The following PRKD1 variants were observed in gnomAD, a reference collection of about 807,000 sequenced individuals.
The protein encoded by PRKD1 is protein kinase D1, also known as serine/threonine-protein kinase D1.
In PRKD1, 63 loss-of-function variants were observed where a neutral mutation model predicts 95.9. That is an observed-to-expected ratio of 0.66 (90% CI 0.54 to 0.81). PRKD1 has a LOEUF of 0.81. Among genes scored for constraint, PRKD1 ranks in the 30% least tolerant of loss-of-function variants. The pLI is 0.00. For missense variants in PRKD1, 1,048 were observed against 1,165.3 expected (o/e 0.90, Z 1.47); for synonymous variants, 425 against 423.1 (o/e 1.00, Z -0.05).
intron 1 of PRKD1, among the ~76,000 whole-genome samples, chr14:29,881,708 C>A (rs958918087): frequency 9.2e-5 from 14 of 152,168 alleles, no homozygotes; most frequent in African/African-American, 3.4e-4. Context: ...TGGACTTTCA[C>A]TTGGCTTATT....
chr14:29,793,625 T>C (rs1464357885), intron 1 of PRKD1, among the ~76,000 whole-genome samples: 1 of 152,090 alleles, frequency 6.6e-6, no homozygotes, highest in African/African-American at 2.4e-5. Context: ...GAGTATTTCT[T>C]ATTCAAATAG....
intron 1 of PRKD1, among the ~76,000 whole-genome samples, chr14:29,829,785 T>C (rs1248071943): frequency 6.6e-6 from 1 of 152,198 alleles, no homozygotes; most frequent in East Asian, 1.9e-4. Context: ...TCCTACTTTT[T>C]TTTCATTTCA....
At chr14:29,771,384 C>T (rs979036282) in intron 1 of PRKD1, among the ~76,000 whole-genome samples, 1 of 152,102 alleles carries the variant, frequency 6.6e-6, no homozygotes, top group African/African-American at 2.4e-5. Flanking sequence ...TGGCAGTTGC[C>T]GCCTAGCACT....
rs1895331895 is a variant in PRKD1 at position 29,927,153 on chromosome 14, C to A, written c.264+96G>T. On this transcript the variant is annotated intron_variant, in intron 1 of 17. Transcript: ENST00000331968. ...CCGGCGAGGCTGGCGGCCAGCCGAG[C>A]CCCGGGAGCCGGAAAGTTGGCGCGG... The A allele has an allele frequency of 7.1e-5, 89 of 1,257,246 alleles. 1 individual carries two copies. The highest frequency in any genetic ancestry group is 8.6e-5 in the Non-Finnish European group (86 of 995,408). 77.9% of individuals were successfully genotyped at this position (1,257,246 alleles called of 1,614,324 possible). A position where few individuals can be genotyped will look rare whatever the true frequency, so the allele number is the denominator to read the frequency against.
chr14:29,696,829 A>G (rs1303263954), intron 2 of PRKD1, among the ~76,000 whole-genome samples: 1 of 152,116 alleles, frequency 6.6e-6, no homozygotes, highest in African/African-American at 2.4e-5. Flanking sequence ...TATAATTTGT[A>G]ATTATGAAAA....
At chr14:29,707,999 A>T (rs566072968) in intron 2 of PRKD1, among the ~76,000 whole-genome samples, 2 of 152,140 alleles carry the variant, frequency 1.3e-5, no homozygotes, top group African/African-American at 4.8e-5. Context: ...CTTGACCATC[A>T]AAGGTAATTT....
intron 1 of PRKD1, among the ~76,000 whole-genome samples, chr14:29,809,712 T>A (rs918118468): frequency 1.3e-5 from 2 of 152,242 alleles, no homozygotes; most frequent in African/African-American, 4.8e-5. Flanking sequence ...CTTAAGGGTA[T>A]GTTGTGGCTG....
chr14:29,638,225 A>G (rs1880509419), intron 6 of PRKD1: 1 of 473,196 alleles, frequency 2.1e-6, no homozygotes, highest in South Asian at 3.8e-5. Flanking sequence ...ATAAGATAAT[A>G]AAACTGGGAA....
intron 2 of PRKD1, among the ~76,000 whole-genome samples, chr14:29,675,700 G>T (rs530165774): frequency 3.9e-5 from 6 of 152,132 alleles, no homozygotes; most frequent in South Asian, 4.2e-4. Flanking sequence ...TGTGGCACTA[G>T]TCACAATAGC....
intron 13 of PRKD1, among the ~76,000 whole-genome samples, chr14:29,618,186 A>G (rs1454518692): frequency 1.3e-5 from 2 of 152,232 alleles, no homozygotes; most frequent in Admixed American, 1.3e-4. Context: ...CTTGACATGA[A>G]TAACAGAAAA....
intron 2 of PRKD1, 90 bp downstream of exon 2, chr14:29,725,446 T>G (rs1886091887): frequency 1.1e-5 from 16 of 1,472,078 alleles, no homozygotes; most frequent in Non-Finnish European, 1.5e-5. Flanking sequence ...TGAGATATGC[T>G]TTTTATGTTT....
chr14:29,791,791 T>C (rs1889558140), intron 1 of PRKD1, among the ~76,000 whole-genome samples: 1 of 152,152 alleles, frequency 6.6e-6, no homozygotes, highest in Non-Finnish European at 1.5e-5. Flanking sequence ...TGTATATAAT[T>C]CATAGTATAG....
intron 1 of PRKD1, among the ~76,000 whole-genome samples, chr14:29,843,178 T>G (rs970573952): frequency 1.3e-5 from 2 of 152,036 alleles, no homozygotes; most frequent in Non-Finnish European, 2.9e-5. Flanking sequence ...GTCTTTATAA[T>G]AAGAAGATGT....
chr14:29,616,189 T>A (rs1357491267), intron 13 of PRKD1, among the ~76,000 whole-genome samples: 3 of 118,618 alleles, frequency 2.5e-5, no homozygotes, highest in African/African-American at 1.0e-4. Flanking sequence ...AGGGATGAAG[T>A]GAGAAGAGAG....
intron 13 of PRKD1, among the ~76,000 whole-genome samples, chr14:29,615,866 A>C (rs1474809191): frequency 6.6e-6 from 1 of 152,148 alleles, no homozygotes; most frequent in Non-Finnish European, 1.5e-5. Flanking sequence ...ACACAAAGGG[A>C]GAGAGTATCT....
intron 1 of PRKD1, among the ~76,000 whole-genome samples, chr14:29,763,330 G>C (rs1888091345): frequency 7.3e-6 from 1 of 137,658 alleles, no homozygotes; most frequent in South Asian, 2.5e-4. Flanking sequence ...GAAAAAAGAA[G>C]GAAGGAAGGA....
At chr14:29,917,461 G>C (rs1004974409) in intron 1 of PRKD1, among the ~76,000 whole-genome samples, 5 of 151,938 alleles carry the variant, frequency 3.3e-5, no homozygotes, top group African/African-American at 1.2e-4. Context: ...AAAATTCCTA[G>C]TCAAAAGTCA....
chr14:29,662,956 C>T (rs985202366), intron 4 of PRKD1, among the ~76,000 whole-genome samples: 2 of 150,352 alleles, frequency 1.3e-5, no homozygotes, highest in Non-Finnish European at 1.5e-5. Context: ...CACATAATTA[C>T]CACAATTTTT....
chr14:29,682,707 A>G (rs1355717010), intron 2 of PRKD1, among the ~76,000 whole-genome samples: 1 of 152,204 alleles, frequency 6.6e-6, no homozygotes, highest in African/African-American at 2.4e-5. Flanking sequence ...AAAAATGTAT[A>G]AACACAATTA....
Sources: allele counts gnomAD v4.1 joint callset (sites outside exome capture counted in the v4.1 genomes callset), GRCh38; gene constraint gnomAD v4.1.1; transcripts MANE v1.5; gene names NCBI Gene and HGNC (gene_info 2026-07-23, HGNC 2026-07-21).